The following STAT4 variants were observed in gnomAD, a reference collection of about 807,000 sequenced individuals.
STAT4 encodes the protein signal transducer and activator of transcription 4.
In STAT4, 42 loss-of-function variants were observed where a neutral mutation model predicts 110.5. The observed-to-expected ratio is 0.38, with a 90% confidence interval of 0.30 to 0.49. The LOEUF is 0.49. Among genes scored for constraint, STAT4 ranks in the 20% least tolerant of loss-of-function variants. The probability of loss-of-function intolerance (pLI) is 0.95; values close to 1 mark genes in which losing one functional copy is unlikely to be tolerated. For missense variants in STAT4, 632 were observed against 887.9 expected (o/e 0.71, Z 3.66); for synonymous variants, 284 against 302.2 (o/e 0.94, Z 0.63).
rs894708496 is a variant in STAT4, at chr2:191,062,452, A to G, written c.941+310T>C. On this transcript the variant is annotated intron_variant, in intron 9 of 23. Transcript: ENST00000392320. The surrounding 1 kb of genome is among the most constrained non-coding windows in gnomAD (Gnocchi z 4.9). ...GCTTATAAACATGAAAATGTTCTCC[A>G]TCCTTCATTTCATGGATATGCACAT... 9.2e-5 allele frequency among the ~76,000 whole-genome samples: 14 copies of G among 152,150 alleles called. No individual in the cohort carries two copies. The highest frequency in any genetic ancestry group is 3.4e-4 in the African/African-American group (14 of 41,412).
Position 191,037,860 on chromosome 2 carries a change from G to A in STAT4, c.1434+1339C>T, listed in dbSNP as rs547273547. On this transcript the variant is annotated intron_variant, in intron 16 of 23. Coordinates refer to ENST00000392320, the MANE Select transcript of STAT4 (RefSeq NM_003151.4). The surrounding 1 kb of genome is among the most constrained non-coding windows in gnomAD (Gnocchi z 4.8). ...AGCACAGAATACAATCAAGGCCTAA[G>A]GGCTTAGGTTTCAAAGCAGGATAGA... Among the ~76,000 whole-genome samples the A allele has an allele frequency of 6.6e-6, 1 of 152,318 alleles. No individual in the cohort carries two copies. The highest frequency in any genetic ancestry group is 2.4e-5 in the African/African-American group (1 of 41,546).
In STAT4 at chr2:191,140,388, C is replaced by CA. The variant is rs1183747923; in HGVS notation, c.273+6224dup. On this transcript the variant is annotated intron_variant, in intron 3 of 23. Coordinates refer to ENST00000392320, the MANE Select transcript of STAT4 (RefSeq NM_003151.4). The surrounding 1 kb of genome is among the most constrained non-coding windows in gnomAD (Gnocchi z 4.4). Reference sequence around the variant, plus strand: ...ATCCATAATCTGCAAGGAACTCAAACAAATCAGCAAAAAAACTAATAATAA... The same window carrying CA: ...ATCCATAATCTGCAAGGAACTCAAACAAAATCAGCAAAAAAACTAATAATAA... Among the ~76,000 whole-genome samples, 1 of 152,128 alleles carries CA rather than the reference C, an allele frequency of 6.6e-6. No homozygotes were observed. Among genetic ancestry groups the CA allele is most frequent in the Non-Finnish European group, 1.5e-5 (1 of 67,994 alleles).
chr2:191,127,745 C>G (rs1698920157), intron 3 of STAT4, among the ~76,000 whole-genome samples: 2 of 152,202 alleles, frequency 1.3e-5, no homozygotes, highest in South Asian at 4.1e-4. Flanking sequence ...GATGTTTCAT[C>G]ATCCACAAAG....
chr2:191,036,920 C>T (rs1696062418), intron 16 of STAT4, among the ~76,000 whole-genome samples: 1 of 152,164 alleles, frequency 6.6e-6, no homozygotes, highest in Non-Finnish European at 1.5e-5. Flanking sequence ...ATCATCTCAT[C>T]TCTGTTGTTC....
intron 3 of STAT4, among the ~76,000 whole-genome samples, chr2:191,084,545 G>C (rs2125292592): frequency 6.6e-6 from 1 of 152,146 alleles, no homozygotes; most frequent in African/African-American, 2.4e-5. Flanking sequence ...TTACAAGAAG[G>C]CATGGGGAGG....
chr2:191,071,526 T>C (rs1697150962), intron 5 of STAT4, among the ~76,000 whole-genome samples: 1 of 152,164 alleles, frequency 6.6e-6, no homozygotes, highest in Non-Finnish European at 1.5e-5. Context: ...TAATGAAAAG[T>C]GTATTAAACC....
intron 14 of STAT4, among the ~76,000 whole-genome samples, chr2:191,049,935 T>C (rs6706302): frequency 0.023 from 3,436 of 152,294 alleles, 113 homozygotes; most frequent in African/African-American, 0.076. Context: ...CAACTTGCTG[T>C]GCAAATGCTT....
Position 191,084,013 on chromosome 2 carries a change from C to T in STAT4, c.274-7688G>A, listed in dbSNP as rs145178198. On this transcript the variant is annotated intron_variant, in intron 3 of 23. Transcript: ENST00000392320. ...GTGTGGTGGCTCACGCCTGTAATTC[C>T]AGCACTTTGGGAGGCTGAGACAAGC... Among the ~76,000 whole-genome samples, 375 of 152,182 alleles carry T rather than the reference C, an allele frequency of 2.5e-3. 1 individual carries two copies. The highest frequency in any genetic ancestry group is 8.5e-3 in the African/African-American group (354 of 41,508).
rs561495981 is a variant in STAT4, at chr2:191,138,325, T to C, written c.273+8288A>G. Reference sequence around the variant, plus strand: ...AAAGATAAATGAAACAAAAAGCATGTTATTTGAAAAGATAATATTGATAGA... The same window carrying C: ...AAAGATAAATGAAACAAAAAGCATGCTATTTGAAAAGATAATATTGATAGA... On this transcript the variant is annotated intron_variant, in intron 3 of 23. Coordinates refer to ENST00000392320, the MANE Select transcript of STAT4 (RefSeq NM_003151.4). The surrounding 1 kb of genome is among the most constrained non-coding windows in gnomAD (Gnocchi z 4.3). Among the ~76,000 whole-genome samples, 2 of 152,070 alleles carry C rather than the reference T, an allele frequency of 1.3e-5. No individual in the cohort carries two copies. Among genetic ancestry groups the C allele is most frequent in the African/African-American group, 4.8e-5 (2 of 41,514 alleles).
At chr2:191,120,384 C>T (rs1414879902) in intron 3 of STAT4, among the ~76,000 whole-genome samples, 1 of 151,956 alleles carries the variant, frequency 6.6e-6, no homozygotes, top group African/African-American at 2.4e-5. Flanking sequence ...AAAGCCTAGG[C>T]AACATACGGA....
intron 3 of STAT4, among the ~76,000 whole-genome samples, chr2:191,106,466 C>A (rs963437218): frequency 2.0e-5 from 3 of 151,552 alleles, no homozygotes; most frequent in African/African-American, 2.4e-5. Context: ...TCGAGTCTGG[C>A]CAACATGGTG....
chr2:191,039,796 G>A lies in STAT4; in HGVS notation c.1336-499C>T, dbSNP rs3024880. On this transcript the variant is annotated intron_variant, in intron 15 of 23. Transcript: ENST00000392320. The surrounding 1 kb of genome is among the most constrained non-coding windows in gnomAD (Gnocchi z 4.7). ...GAGATAAGCTATGGGAGATAGAGCCGTCTGTGCTATTGTTACAGAACTAAC... is the reference window on the plus strand; with the variant it reads ...GAGATAAGCTATGGGAGATAGAGCCATCTGTGCTATTGTTACAGAACTAAC... Among the ~76,000 whole-genome samples the A allele has an allele frequency of 4.7e-3, 715 of 152,316 alleles. 6 individuals carry two copies. The highest frequency in any genetic ancestry group is 0.031 in the Middle Eastern group (9 of 294).
intron 14 of STAT4, among the ~76,000 whole-genome samples, 190 bp downstream of exon 14, chr2:191,054,295 CATATA>C (rs1408615847): frequency 2.0e-5 from 3 of 151,968 alleles, no homozygotes; most frequent in African/African-American, 4.8e-5. Flanking sequence ...GTGTTGATAA[CATATA>C]ATATGTTATT....
In STAT4 at chr2:191,135,634, T is replaced by A. The variant is rs1372398810; in HGVS notation, c.273+10979A>T. Among the ~76,000 whole-genome samples, 1 of 152,090 alleles carries A rather than the reference T, an allele frequency of 6.6e-6. No homozygotes were observed. The highest frequency in any genetic ancestry group is 1.5e-5 in the Non-Finnish European group (1 of 67,996). Reference sequence around the variant, plus strand: ...GGTGATCACCACCACGCCCAGCTAATTTTTTGTATTTTTAGTAGAGACAGG... The same window carrying A: ...GGTGATCACCACCACGCCCAGCTAAATTTTTGTATTTTTAGTAGAGACAGG... On this transcript the variant is annotated intron_variant, in intron 3 of 23. Coordinates refer to ENST00000392320, the MANE Select transcript of STAT4 (RefSeq NM_003151.4). This position sits in a 1 kb window ranked among gnomAD's most constrained non-coding sequence, Gnocchi z 4.8.
Position 191,059,014 on chromosome 2 carries a change from C to T in STAT4, c.1035-245G>A, listed in dbSNP as rs1696779664. On this transcript the variant is annotated intron_variant, in intron 10 of 23. Coordinates refer to ENST00000392320, the MANE Select transcript of STAT4 (RefSeq NM_003151.4). The surrounding 1 kb of genome is among the most constrained non-coding windows in gnomAD (Gnocchi z 4.7). The stretch of plus-strand genomic sequence containing the variant: ...AACATTTGGAAGTGTTTCCATATTG[C>T]TTCAGTTGATGTTTGCTGGATAATA... Among the ~76,000 whole-genome samples, 1 of 151,668 alleles carries T rather than the reference C, an allele frequency of 6.6e-6. No individual in the cohort carries two copies. Among genetic ancestry groups the T allele is most frequent in the Non-Finnish European group, 1.5e-5 (1 of 67,958 alleles).
chr2:191,029,904 C>G lies in STAT4; in HGVS notation c.2221-38G>C. ...ATGAAAATAATCTTTGAGGAAACTA[C>G]TGGTTTTCAAATCAATCACTATTTC... On this transcript the variant is annotated intron_variant, in intron 23 of 23. Transcript: ENST00000392320. This position sits in a 1 kb window ranked among gnomAD's most constrained non-coding sequence, Gnocchi z 4.5. The G allele has an allele frequency of 6.6e-7, 1 of 1,508,844 alleles. No individual in the cohort carries two copies. Among genetic ancestry groups the G allele is most frequent in the Non-Finnish European group, 9.1e-7 (1 of 1,103,032 alleles). 93.5% of individuals were successfully genotyped at this position (1,508,844 alleles called of 1,614,324 possible). A position where few individuals can be genotyped will look rare whatever the true frequency, so the allele number is the denominator to read the frequency against.
At chr2:191,129,212 A>G (rs1473693786) in intron 3 of STAT4, among the ~76,000 whole-genome samples, 1 of 152,224 alleles carries the variant, frequency 6.6e-6, no homozygotes, top group Admixed American at 6.5e-5. Flanking sequence ...TTAGTAAATG[A>G]TAATAAAAAT....
chr2:191,126,580 T>C (rs966808082), intron 3 of STAT4, among the ~76,000 whole-genome samples: 4 of 152,212 alleles, frequency 2.6e-5, no homozygotes, highest in African/African-American at 9.6e-5. Flanking sequence ...CGGTTAGTTG[T>C]CACACTAGAG....
intron 3 of STAT4, among the ~76,000 whole-genome samples, chr2:191,092,628 T>C (rs574865879): frequency 1.1e-3 from 167 of 152,272 alleles, no homozygotes; most frequent in Admixed American, 2.0e-3. Flanking sequence ...CCCAGTGTGA[T>C]TGATGCAGAA....
Sources: allele counts gnomAD v4.1 joint callset (sites outside exome capture counted in the v4.1 genomes callset), GRCh38; gene constraint gnomAD v4.1.1; non-coding constraint Gnocchi (gnomAD v3.1); transcripts MANE v1.5; gene names NCBI Gene and HGNC (gene_info 2026-07-23, HGNC 2026-07-21).